The following ANAPC10 variants were observed in gnomAD, a reference collection of about 807,000 sequenced individuals.
ANAPC10 encodes anaphase-promoting complex subunit 10.
A neutral mutation model predicts 22.0 loss-of-function variants in ANAPC10; 12 were observed. The ratio of observed to expected loss-of-function variants is 0.55; its 90% confidence interval spans 0.35 to 0.88. The LOEUF (loss-of-function observed/expected upper bound fraction) is 0.88, where lower values mean the gene tolerates loss of function less well. Ranked by LOEUF, ANAPC10 falls within the 40% of genes least tolerant of loss-of-function variation. ANAPC10 has a pLI of 0.01. For missense variants in ANAPC10, 188 were observed against 220.9 expected (o/e 0.85, Z 0.94); for synonymous variants, 65 against 69.5 (o/e 0.94, Z 0.32).
At chr4:145,024,935 C>T (rs1454900762) in intron 4 of ANAPC10, among the ~76,000 whole-genome samples, 2 of 152,120 alleles carry the variant, frequency 1.3e-5, no homozygotes, top group African/African-American at 4.8e-5. Flanking sequence ...TGTATCTACC[C>T]TCATCAACTA....
intron 1 of ANAPC10, chr4:145,097,294 T>C (rs1292753519): frequency 2.7e-6 from 1 of 370,284 alleles, no homozygotes; most frequent in East Asian, 7.4e-5. Flanking sequence ...TTCAAGATTT[T>C]GAAGTGAATA....
intron 4 of ANAPC10, among the ~76,000 whole-genome samples, chr4:145,050,551 G>A (rs1740957392): frequency 6.6e-6 from 1 of 152,166 alleles, no homozygotes. Context: ...AATCTTAGCT[G>A]GCATCTTCCA....
At chr4:145,023,709 G>GTTATAT (rs1736272243) in intron 4 of ANAPC10, among the ~76,000 whole-genome samples, 1 of 152,036 alleles carries the variant, frequency 6.6e-6, no homozygotes, top group Non-Finnish European at 1.5e-5. Context: ...CAATCATCTG[G>GTTATAT]GCCTTTAGTG....
intron 4 of ANAPC10, among the ~76,000 whole-genome samples, chr4:145,007,525 A>C (rs1484450017): frequency 2.6e-5 from 4 of 152,140 alleles, no homozygotes; most frequent in Admixed American, 1.3e-4. Context: ...TAAGAAACTC[A>C]CTCAAAACCG....
intron 2 of ANAPC10, among the ~76,000 whole-genome samples, chr4:145,086,494 T>G (rs921412094): frequency 3.3e-5 from 5 of 152,186 alleles, no homozygotes; most frequent in Admixed American, 2.0e-4. Flanking sequence ...GGGAACTTGT[T>G]AGGAATTCTA....
intron 4 of ANAPC10, among the ~76,000 whole-genome samples, chr4:145,042,262 T>C (rs1046004079): frequency 6.6e-6 from 1 of 152,138 alleles, no homozygotes; most frequent in Non-Finnish European, 1.5e-5. Flanking sequence ...TAAGCACCCA[T>C]AAATATACTT....
intron 3 of ANAPC10, among the ~76,000 whole-genome samples, chr4:145,067,428 T>A (rs1485204053): frequency 1.3e-5 from 2 of 152,058 alleles, no homozygotes; most frequent in African/African-American, 4.8e-5. Context: ...CTGGACACTC[T>A]CTATCCCCTC....
chr4:145,067,450 G>A (rs570504901), intron 3 of ANAPC10, among the ~76,000 whole-genome samples: 12 of 152,126 alleles, frequency 7.9e-5, no homozygotes, highest in East Asian at 5.8e-4. Flanking sequence ...CTCACTACAC[G>A]CTTTCTCCTG....
chr4:145,047,102 A>G (rs1467295171), intron 4 of ANAPC10, among the ~76,000 whole-genome samples: 4 of 152,022 alleles, frequency 2.6e-5, no homozygotes, highest in Non-Finnish European at 1.5e-5. Context: ...TGTAATTTTC[A>G]TTTTTTAAAG....
chr4:145,026,106 T>G (rs1173952155), intron 4 of ANAPC10, among the ~76,000 whole-genome samples: 1 of 152,350 alleles, frequency 6.6e-6, no homozygotes, highest in East Asian at 1.9e-4. Context: ...GGCAGATCAC[T>G]TTGTAGTTTC....
At chr4:145,018,455 G>A (rs1735532944) in intron 4 of ANAPC10, among the ~76,000 whole-genome samples, 1 of 151,904 alleles carries the variant, frequency 6.6e-6, no homozygotes, top group Non-Finnish European at 1.5e-5. Context: ...CCAACATGGT[G>A]AAACCCCATC....
At chr4:145,079,310 A>C (rs1004936543) in intron 3 of ANAPC10, among the ~76,000 whole-genome samples, 20 of 152,224 alleles carry the variant, frequency 1.3e-4, no homozygotes, top group African/African-American at 4.6e-4. Flanking sequence ...ATACAAATCA[A>C]AACCACAATG....
chr4:145,089,764 A>G (rs1484126886), intron 2 of ANAPC10, among the ~76,000 whole-genome samples: 1 of 152,176 alleles, frequency 6.6e-6, no homozygotes, highest in Non-Finnish European at 1.5e-5. Context: ...TGACATTAAC[A>G]TTTTGAAAAT....
intron 3 of ANAPC10, among the ~76,000 whole-genome samples, chr4:145,075,366 CTTTTA>C (rs1244125011): frequency 2.6e-5 from 4 of 151,874 alleles, no homozygotes; most frequent in Admixed American, 2.0e-4. Flanking sequence ...AGACTAGTAC[CTTTTA>C]TTTTAATTTT....
intron 4 of ANAPC10, among the ~76,000 whole-genome samples, chr4:145,017,698 T>C (rs969958149): frequency 1.3e-5 from 2 of 152,106 alleles, no homozygotes; most frequent in Non-Finnish European, 2.9e-5. Context: ...CTACTCACAA[T>C]AGCAAAGACT....
intron 4 of ANAPC10, among the ~76,000 whole-genome samples, chr4:145,014,991 C>T (rs1218544102): frequency 6.6e-6 from 1 of 152,042 alleles, no homozygotes; most frequent in Non-Finnish European, 1.5e-5. Flanking sequence ...TGAGAAAGAA[C>T]CAGAAAACCA....
In ANAPC10 at chr4:145,064,314, T is replaced by C. The variant is rs1202069079; in HGVS notation, c.327+258A>G. The C allele has an allele frequency of 7.6e-5, 19 of 248,958 alleles. No individual in the cohort carries two copies. The South Asian group carries it at 1.8e-3, about 23-fold the overall frequency. 15.4% of individuals were successfully genotyped at this position (248,958 alleles called of 1,614,324 possible). Reference sequence around the variant, plus strand: ...ATTAACAACTGAAGAATCTAGGAAGTGAGTATACTGGCATTCACTGTACAA... The same window carrying C: ...ATTAACAACTGAAGAATCTAGGAAGCGAGTATACTGGCATTCACTGTACAA... On this transcript the variant is annotated intron_variant, in intron 4 of 4. Transcript: ENST00000507656.
chr4:145,083,894 T>G (rs1171035868), intron 2 of ANAPC10, among the ~76,000 whole-genome samples: 1 of 152,228 alleles, frequency 6.6e-6, no homozygotes, highest in East Asian at 1.9e-4. Flanking sequence ...TATATTTTCA[T>G]GCTTATTCAT....
intron 4 of ANAPC10, among the ~76,000 whole-genome samples, chr4:145,010,119 T>C (rs185381531): frequency 1.3e-5 from 2 of 152,132 alleles, no homozygotes; most frequent in Non-Finnish European, 2.9e-5. Context: ...AAAACCACAA[T>C]GAGATACCAT....
Sources: gnomAD v4.1 joint callset for allele counts (sites outside exome capture counted in the v4.1 genomes callset) on GRCh38, gnomAD v4.1.1 for gene constraint, MANE v1.5 for transcripts, NCBI Gene and HGNC (gene_info 2026-07-23, HGNC 2026-07-21) for gene names.